KYNU: variants seen among roughly 807,000 people sequenced by gnomAD.
KYNU encodes L-kynurenine hydrolase.
KYNU carries 54 observed loss-of-function variants against 59.2 expected under a neutral mutation model. The observed-to-expected ratio is 0.91, with a 90% confidence interval of 0.73 to 1.14. The LOEUF (loss-of-function observed/expected upper bound fraction) is 1.14. Among genes scored for constraint, KYNU ranks in the 50% most tolerant of loss-of-function variants. KYNU has a pLI of 0.00. For synonymous variants in KYNU, 177 were observed against 192.0 expected (o/e 0.92, Z 0.65); for missense variants, 567 against 554.4 (o/e 1.02, Z -0.23).
At chr2:142,989,148 G>C (rs1196144239) in intron 10 of KYNU, among the ~76,000 whole-genome samples, 1 of 151,804 alleles carries the variant, frequency 6.6e-6, no homozygotes, top group Non-Finnish European at 1.5e-5. Context: ...ATGGGGAGAG[G>C]AAGTTTTCTT....
At position 142,967,891 on chromosome 2, in the gene KYNU, T is replaced by C. The variant is rs183423753; in HGVS notation, c.729+7121T>C. Among the ~76,000 whole-genome samples, 212 of 152,242 alleles carry C rather than the reference T, an allele frequency of 1.4e-3. 2 individuals carry two copies. Among genetic ancestry groups the C allele is most frequent in the Non-Finnish European group, 2.5e-3 (171 of 67,992 alleles). ...ACATGGGATATCAGAACTTGAGCAATTAATTAGCTAGAATAAATGAGTACT... is the reference window on the plus strand; with the variant it reads ...ACATGGGATATCAGAACTTGAGCAACTAATTAGCTAGAATAAATGAGTACT... On this transcript the variant is annotated intron_variant, in intron 8 of 13. Coordinates refer to ENST00000264170, the MANE Select transcript of KYNU (RefSeq NM_003937.3).
chr2:142,976,548 C>G (rs965439561), intron 8 of KYNU, among the ~76,000 whole-genome samples: 1 of 152,078 alleles, frequency 6.6e-6, no homozygotes, highest in African/African-American at 2.4e-5. Flanking sequence ...TTGTAATGAT[C>G]GCCTTCTCTA....
chr2:142,996,070 GA>G (rs1685531498), intron 10 of KYNU, among the ~76,000 whole-genome samples: 1 of 152,058 alleles, frequency 6.6e-6, no homozygotes, highest in Non-Finnish European at 1.5e-5. Flanking sequence ...CCTACCGTGG[GA>G]ATATGGCTGA....
chr2:143,030,028 T>A (rs1459992467), intron 11 of KYNU, among the ~76,000 whole-genome samples: 2 of 152,226 alleles, frequency 1.3e-5, no homozygotes, highest in African/African-American at 4.8e-5. Context: ...ACCTGGGTGT[T>A]AATCACACTT....
At chr2:142,984,601 G>A (rs950035905) in intron 8 of KYNU, among the ~76,000 whole-genome samples, 1 of 151,988 alleles carries the variant, frequency 6.6e-6, no homozygotes, top group African/African-American at 2.4e-5. Flanking sequence ...TCAGAATGTG[G>A]TCAAGGGTTT....
chr2:142,898,361 A>G (rs970778769), intron 2 of KYNU, among the ~76,000 whole-genome samples: 1 of 152,054 alleles, frequency 6.6e-6, no homozygotes, highest in African/African-American at 2.4e-5. Context: ...TGAGCATCAA[A>G]TGCTCTCTTA....
chr2:142,909,049 G>T (rs1682393276), intron 2 of KYNU, among the ~76,000 whole-genome samples: 1 of 152,152 alleles, frequency 6.6e-6, no homozygotes, highest in Non-Finnish European at 1.5e-5. Context: ...ATGGCAGTTT[G>T]TCTCTTTCAA....
rs1684207066 is a variant in KYNU, at chr2:142,957,512, T to C, written c.508-129T>C. ...GTTCTTCTCTGTTGTGTATTTTGTTTAGGTGTTTTAACCTTCACCTTGGAT... is the reference window on the plus strand; with the variant it reads ...GTTCTTCTCTGTTGTGTATTTTGTTCAGGTGTTTTAACCTTCACCTTGGAT... On this transcript the variant is annotated intron_variant, in intron 6 of 13. Coordinates refer to ENST00000264170, the MANE Select transcript of KYNU (RefSeq NM_003937.3). 1.1e-5 allele frequency: 7 copies of C among 655,564 alleles called. No individual in the cohort carries two copies. The South Asian group carries it at 1.2e-4, about 11-fold the overall frequency. 40.6% of individuals were successfully genotyped at this position (655,564 alleles called of 1,614,324 possible).
chr2:143,009,121 G>T (rs1369733938), intron 10 of KYNU, among the ~76,000 whole-genome samples: 3 of 114,498 alleles, frequency 2.6e-5, no homozygotes, highest in Admixed American at 8.5e-5. Context: ...GAATCCAGGA[G>T]CTGGTTTTTT....
intron 10 of KYNU, among the ~76,000 whole-genome samples, chr2:143,015,539 T>C (rs544572141): frequency 6.6e-6 from 1 of 152,290 alleles, no homozygotes; most frequent in African/African-American, 2.4e-5. Flanking sequence ...CATGACCTGA[T>C]AAAGACCATC....
chr2:142,973,431 C>G (rs1684793257), intron 8 of KYNU, among the ~76,000 whole-genome samples: 1 of 152,124 alleles, frequency 6.6e-6, no homozygotes, highest in Non-Finnish European at 1.5e-5. Context: ...TATAGGGAAG[C>G]CCCAATACAC....
At chr2:143,016,240 T>A (rs1686241699) in intron 10 of KYNU, among the ~76,000 whole-genome samples, 1 of 152,252 alleles carries the variant, frequency 6.6e-6, no homozygotes, top group South Asian at 2.1e-4. Flanking sequence ...TCCTTTGGAA[T>A]AAGATTTATG....
At chr2:143,006,306 G>A (rs1685890544) in intron 10 of KYNU, among the ~76,000 whole-genome samples, 1 of 151,846 alleles carries the variant, frequency 6.6e-6, no homozygotes, top group African/African-American at 2.4e-5. Context: ...GACGCACCTG[G>A]AAAATCGGGT....
chr2:142,883,574 C>G (rs1253190634), intron 1 of KYNU, among the ~76,000 whole-genome samples: 1 of 151,806 alleles, frequency 6.6e-6, no homozygotes, highest in Non-Finnish European at 1.5e-5. Context: ...CCTCTTTTTC[C>G]CTCCCTAGTG....
intron 11 of KYNU, among the ~76,000 whole-genome samples, chr2:143,032,231 T>C (rs1686768794): frequency 2.0e-5 from 3 of 151,878 alleles, no homozygotes; most frequent in South Asian, 2.1e-4. Context: ...TGAGCCAAGA[T>C]CGCGCCACTG....
intron 12 of KYNU, 48 bp downstream of exon 12, chr2:143,033,369 G>T: frequency 7.5e-7 from 1 of 1,329,530 alleles, no homozygotes; most frequent in Non-Finnish European, 1.1e-6. Context: ...GTTTTTTCTT[G>T]ATCTGTTTGT....
chr2:142,954,583 A>C (rs1461813878), intron 4 of KYNU, among the ~76,000 whole-genome samples: 1 of 152,090 alleles, frequency 6.6e-6, no homozygotes, highest in Non-Finnish European at 1.5e-5. Flanking sequence ...GTTATTTACT[A>C]CATCATAAAA....
Position 143,049,447 on chromosome 2 carries a change from A to G in KYNU, c.*7275A>G, listed in dbSNP as rs1687226898. 6.6e-6 allele frequency: 1 copy of G among 152,186 alleles called. No homozygotes were observed. The allele number at this position is 152,186 out of a possible 1,614,324, so 9.4% of individuals were successfully genotyped here. A position where few individuals can be genotyped will look rare whatever the true frequency, so the allele number is the denominator to read the frequency against. ...CACACACTATAAAGGATTGGAAAAAAAAATGAAAATATGAAAAACTTACAC... is the reference window on the plus strand; with the variant it reads ...CACACACTATAAAGGATTGGAAAAAGAAATGAAAATATGAAAAACTTACAC... On this transcript the variant is annotated 3_prime_UTR_variant, in exon 14 of 14. Transcript: ENST00000264170.
chr2:142,947,122 C>T lies in KYNU; in HGVS notation c.374-7688C>T, dbSNP rs144198027. On this transcript the variant is annotated intron_variant, in intron 4 of 13. Coordinates refer to ENST00000264170, the MANE Select transcript of KYNU (RefSeq NM_003937.3). The stretch of plus-strand genomic sequence containing the variant: ...TGCTTTTTTCAGCCACCCTTACAGA[C>T]CCCCAACACAATCAACCTGGAAATG... 211 of 1,551,086 alleles carry T rather than the reference C, an allele frequency of 1.4e-4. No individual in the cohort carries two copies. In the African/African-American group the frequency reaches 2.4e-3, roughly 17 times the overall value.
Sources: gnomAD v4.1 joint callset for allele counts (sites outside exome capture counted in the v4.1 genomes callset) on GRCh38, gnomAD v4.1.1 for gene constraint, MANE v1.5 for transcripts, NCBI Gene and HGNC (gene_info 2026-07-23, HGNC 2026-07-21) for gene names.